Variants in ADAMTSL1 observed in about 807,000 individuals in gnomAD.
ADAMTSL1 encodes the protein ADAMTS-like protein 1.
A neutral mutation model predicts 201.8 loss-of-function variants in ADAMTSL1; 126 were observed. The ratio of observed to expected loss-of-function variants is 0.62; its 90% CI spans 0.54 to 0.72. The LOEUF (loss-of-function observed/expected upper bound fraction) is 0.72, where lower values mean the gene tolerates loss of function less well. Ranked by LOEUF, ADAMTSL1 falls within the 30% of genes least tolerant of loss-of-function variation. The probability of loss-of-function intolerance (pLI) is 0.00; values close to 1 mark genes in which losing one functional copy is unlikely to be tolerated. For synonymous variants in ADAMTSL1, 1,121 were observed against 903.4 expected (o/e 1.24, Z -4.32); for missense variants, 2,679 against 2,277.8 (o/e 1.18, Z -3.59).
At chr9:18,567,974 A>G (rs527248689) in intron 3 of ADAMTSL1, among the ~76,000 whole-genome samples, 170 of 152,330 alleles carry the variant, frequency 1.1e-3, no homozygotes, top group Non-Finnish European at 2.0e-3. Context: ...CTATGCTATT[A>G]TAACTCTACT....
At chr9:18,087,892 C>T (rs1317907986) in intron 1 of ADAMTSL1, among the ~76,000 whole-genome samples, 1 of 152,048 alleles carries the variant, frequency 6.6e-6, no homozygotes, top group Non-Finnish European at 1.5e-5. Flanking sequence ...AAAGCAGTTG[C>T]CTATCTCAGG....
At chr9:18,774,442 T>C (rs1467253445) in intron 17 of ADAMTSL1, among the ~76,000 whole-genome samples, 1 of 152,058 alleles carries the variant, frequency 6.6e-6, no homozygotes, top group Non-Finnish European at 1.5e-5. Context: ...TTCTGGAAAT[T>C]TCCCTGTCTC....
rs368980678 is a variant in ADAMTSL1, at chr9:18,461,648, C to T, written c.208-43181C>T. 3.3e-5 allele frequency among the ~76,000 whole-genome samples: 5 copies of T among 152,028 alleles called. No homozygotes were observed. In the East Asian group the frequency reaches 9.6e-4, roughly 29 times the overall value. ...AAGAAAAAAAAATTACATTCAGTTA[C>T]AAGGCAGTATCTTGCCCTAACCTGT... On this transcript the variant is annotated intron_variant, in intron 2 of 29. Transcript: ENST00000680146.
At chr9:18,557,536 A>G (rs918669140) in intron 3 of ADAMTSL1, among the ~76,000 whole-genome samples, 3 of 152,030 alleles carry the variant, frequency 2.0e-5, no homozygotes, top group Admixed American at 6.6e-5. Context: ...GCATGCCGCC[A>G]GTAAAGGAGC....
At chr9:18,412,809 T>A (rs1001351390) in intron 2 of ADAMTSL1, among the ~76,000 whole-genome samples, 1 of 152,326 alleles carries the variant, frequency 6.6e-6, no homozygotes, top group South Asian at 2.1e-4. Context: ...AACAAGATGT[T>A]CCAGGCTAAG....
intron 1 of ADAMTSL1, among the ~76,000 whole-genome samples, chr9:18,159,178 T>C (rs1395586317): frequency 1.3e-5 from 2 of 152,040 alleles, no homozygotes. Context: ...AGCTTTACTA[T>C]CTTAATTCTC....
intron 23 of ADAMTSL1, among the ~76,000 whole-genome samples, chr9:18,886,164 G>GTATATATATATA (rs773443727): frequency 6.4e-5 from 4 of 62,196 alleles, no homozygotes; most frequent in Admixed American, 1.9e-4. Flanking sequence ...GAGTGTGTAT[G>GTATATATATATA]TGTATATATA....
intron 1 of ADAMTSL1, among the ~76,000 whole-genome samples, chr9:18,028,686 A>C (rs1055184601): frequency 2.6e-5 from 4 of 152,148 alleles, no homozygotes; most frequent in African/African-American, 9.7e-5. Context: ...GTTTGAAGTC[A>C]GGTAGTGTGA....
intron 2 of ADAMTSL1, among the ~76,000 whole-genome samples, chr9:18,236,279 C>T (rs553035687): frequency 1.3e-5 from 2 of 152,230 alleles, no homozygotes; most frequent in South Asian, 4.1e-4. Context: ...ACTAAGTTGG[C>T]CAGGCTGGCT....
At chr9:18,707,594 A>G (rs1832303425) in intron 14 of ADAMTSL1, among the ~76,000 whole-genome samples, 1 of 152,216 alleles carries the variant, frequency 6.6e-6, no homozygotes, top group Non-Finnish European at 1.5e-5. Flanking sequence ...AGATGAGAAA[A>G]CTAAGAATCA....
chr9:18,589,476 A>G lies in ADAMTSL1; in HGVS notation c.474+15210A>G, dbSNP rs528855179. ...TCACAAGTTATAAGAGTTTTGGGGG[A>G]AAATTCTGGGGTTTTTCTAACTATA... On this transcript the variant is annotated intron_variant, in intron 4 of 28. Coordinates refer to ENST00000380548, the MANE Select transcript of ADAMTSL1 (RefSeq NM_001040272.6). Among the ~76,000 whole-genome samples the G allele has an allele frequency of 2.2e-3, 327 of 152,028 alleles. 1 individual carries two copies. Among genetic ancestry groups the G allele is most frequent in the Non-Finnish European group, 4.2e-3 (284 of 67,962 alleles).
At chr9:18,484,450 T>G (rs1821885702) in intron 1 of ADAMTSL1, among the ~76,000 whole-genome samples, 1 of 152,260 alleles carries the variant, frequency 6.6e-6, no homozygotes, top group South Asian at 2.1e-4. Flanking sequence ...AGGTCATTTC[T>G]TTGACTTTTG....
intron 3 of ADAMTSL1, among the ~76,000 whole-genome samples, chr9:18,559,882 T>G (rs1258416604): frequency 1.3e-5 from 2 of 152,246 alleles, no homozygotes; most frequent in East Asian, 3.8e-4. Flanking sequence ...TTGCTAAAGT[T>G]GCTTATCAGC....
intron 4 of ADAMTSL1, among the ~76,000 whole-genome samples, chr9:18,620,612 G>T (rs1292104288): frequency 6.6e-6 from 1 of 152,172 alleles, no homozygotes; most frequent in Non-Finnish European, 1.5e-5. Flanking sequence ...CACCAAAGAA[G>T]TCTTAAGCCA....
chr9:18,639,410 A>C lies in ADAMTSL1; in HGVS notation c.833A>C (p.Lys278Thr). Residue 278 changes from lysine to threonine, a missense_variant and splice_region_variant, in exon 7 of 29, where the codon AAG becomes ACG. Coordinates refer to ENST00000380548, the MANE Select transcript of ADAMTSL1 (RefSeq NM_001040272.6). ...AGPLTADFIV[K>T]IRNSGSADST... ...CCACTCACAGCAGATTTCATTGTCA[A>C]GGTGAGCCCTATTTAGATACCTCCT... is the stretch of plus-strand genomic sequence containing the variant. 1 of 1,611,946 alleles carries C rather than the reference A, an allele frequency of 6.2e-7. No homozygotes were observed. Among genetic ancestry groups the C allele is most frequent in the Non-Finnish European group, 8.5e-7 (1 of 1,178,706 alleles).
At chr9:18,828,380 T>C (rs1824731594) in intron 22 of ADAMTSL1, among the ~76,000 whole-genome samples, 1 of 151,918 alleles carries the variant, frequency 6.6e-6, no homozygotes, top group African/African-American at 2.4e-5. Flanking sequence ...TCTTAGTAAA[T>C]AAGCACAGCT....
intron 9 of ADAMTSL1, 90 bp downstream of exon 9, chr9:18,662,163 A>AT (rs1277430004): frequency 6.8e-7 from 1 of 1,469,374 alleles, no homozygotes; most frequent in Non-Finnish European, 9.2e-7. Flanking sequence ...TTAATTAAAA[A>AT]TAAAATGAAA....
At chr9:18,313,026 C>T (rs1298736557) in intron 2 of ADAMTSL1, among the ~76,000 whole-genome samples, 1 of 152,182 alleles carries the variant, frequency 6.6e-6, no homozygotes, top group African/African-American at 2.4e-5. Flanking sequence ...AGATCAAACT[C>T]ATGACTGTGG....
At chr9:18,186,155 T>A (rs924995397) in intron 2 of ADAMTSL1, among the ~76,000 whole-genome samples, 1 of 152,144 alleles carries the variant, frequency 6.6e-6, no homozygotes, top group African/African-American at 2.4e-5. Context: ...TTCCTGGAAT[T>A]GTAAACAAGA....
Sources: allele counts gnomAD v4.1 joint callset (sites outside exome capture counted in the v4.1 genomes callset), GRCh38; gene constraint gnomAD v4.1.1; transcripts MANE v1.5; gene names NCBI Gene and HGNC (gene_info 2026-07-23, HGNC 2026-07-21).